The following MDGA2 variants were observed in gnomAD, a reference collection of about 807,000 sequenced individuals.
The protein encoded by MDGA2 is MAM domain-containing glycosylphosphatidylinositol anchor protein 2.
Under a neutral mutation model 117.8 loss-of-function variants are expected in MDGA2, and 40 were observed. That is an observed-to-expected ratio of 0.34 (90% CI 0.26 to 0.44). The LOEUF is 0.44. Ranked by LOEUF, MDGA2 falls within the 20% of genes least tolerant of loss-of-function variation. MDGA2 has a pLI of 1.00. For synonymous variants in MDGA2, 452 were observed against 439.0 expected (o/e 1.03, Z -0.37); for missense variants, 1,123 against 1,250.6 (o/e 0.90, Z 1.54).
At chr14:46,878,040 C>T (rs1882299513) in intron 11 of MDGA2, among the ~76,000 whole-genome samples, 1 of 151,850 alleles carries the variant, frequency 6.6e-6, no homozygotes, top group South Asian at 2.1e-4. Context: ...ACATCAATGC[C>T]TTTTTGTTTA....
At chr14:47,213,515 C>G (rs1181572156) in intron 3 of MDGA2, among the ~76,000 whole-genome samples, 1 of 151,958 alleles carries the variant, frequency 6.6e-6, no homozygotes, top group South Asian at 2.1e-4. Context: ...TTAAAAAAAA[C>G]GTCATTTTGA....
At chr14:46,877,920 T>A (rs1595014859) in intron 11 of MDGA2, among the ~76,000 whole-genome samples, 1 of 151,920 alleles carries the variant, frequency 6.6e-6, no homozygotes, top group African/African-American at 2.4e-5. Flanking sequence ...CCACTTTTGT[T>A]TTTTGCTGTT....
chr14:46,878,896 T>G (rs997742015), intron 11 of MDGA2, among the ~76,000 whole-genome samples: 4 of 152,074 alleles, frequency 2.6e-5, no homozygotes, highest in Non-Finnish European at 5.9e-5. Context: ...GAATTTTAAT[T>G]GAGACTTTGC....
intron 6 of MDGA2, among the ~76,000 whole-genome samples, chr14:47,079,091 G>A (rs1023423825): frequency 2.0e-5 from 3 of 151,288 alleles, no homozygotes; most frequent in Admixed American, 2.0e-4. Flanking sequence ...CCAAAGTGAG[G>A]AAAACTCTCT....
intron 3 of MDGA2, among the ~76,000 whole-genome samples, chr14:47,187,391 G>T (rs1465827058): frequency 6.6e-6 from 1 of 151,956 alleles, no homozygotes; most frequent in Admixed American, 6.6e-5. Flanking sequence ...AAAACAAAGT[G>T]CAAGATATAA....
intron 10 of MDGA2, among the ~76,000 whole-genome samples, chr14:46,883,753 G>A (rs1009316119): frequency 2.0e-5 from 3 of 151,930 alleles, no homozygotes; most frequent in Non-Finnish European, 2.9e-5. Flanking sequence ...GAGATAACAG[G>A]TAATCCACAG....
At chr14:47,142,556 T>C (rs890539688) in intron 4 of MDGA2, among the ~76,000 whole-genome samples, 33 of 152,356 alleles carry the variant, frequency 2.2e-4, no homozygotes, top group African/African-American at 7.7e-4. Context: ...TACAAGATTC[T>C]AGAGGAAAAC....
chr14:46,929,628 TA>T lies in MDGA2; in HGVS notation c.2090-9469del, dbSNP rs1566530301. Among the ~76,000 whole-genome samples, 298 of 32,664 alleles carry T rather than the reference TA, an allele frequency of 9.1e-3. 25 individuals are homozygous for T. The highest frequency in any genetic ancestry group is 0.013 in the Non-Finnish European group (195 of 15,298). The allele number at this position is 32,664 out of a possible 152,430, so 21.4% of individuals were successfully genotyped here. A position where few individuals can be genotyped will look rare whatever the true frequency, so the allele number is the denominator to read the frequency against. On this transcript the variant is annotated intron_variant, in intron 9 of 16. Transcript: ENST00000399232. ...ATATATATATATATATATATATATA[TA>T]TATATATATATATATATACATTTTT...
chr14:47,382,960 T>C (rs1891670309), intron 1 of MDGA2, among the ~76,000 whole-genome samples: 1 of 152,140 alleles, frequency 6.6e-6, no homozygotes, highest in East Asian at 1.9e-4. Context: ...AACCCAAATG[T>C]CCATCAATGA....
chr14:47,452,650 C>G (rs1018735216), intron 1 of MDGA2, among the ~76,000 whole-genome samples: 13 of 151,986 alleles, frequency 8.6e-5, no homozygotes, highest in Middle Eastern at 3.2e-3. Flanking sequence ...AAGATTTGTG[C>G]TCTCCTTTAA....
chr14:47,222,205 G>A (rs1047877420), intron 2 of MDGA2, among the ~76,000 whole-genome samples: 1 of 151,972 alleles, frequency 6.6e-6, no homozygotes, highest in Non-Finnish European at 1.5e-5. Context: ...ATAGAAAATT[G>A]GAAGCCAAGA....
chr14:47,151,320 G>A (rs755300979), intron 3 of MDGA2, among the ~76,000 whole-genome samples: 14 of 152,200 alleles, frequency 9.2e-5, no homozygotes, highest in Non-Finnish European at 1.8e-4. Context: ...CCCACAGTGA[G>A]GTGGCTCTTG....
intron 9 of MDGA2, among the ~76,000 whole-genome samples, chr14:46,933,393 C>A (rs1161506243): frequency 6.6e-6 from 1 of 151,684 alleles, no homozygotes; most frequent in Non-Finnish European, 1.5e-5. Context: ...ATGAATTGGG[C>A]TAGAATAAAA....
intron 4 of MDGA2, among the ~76,000 whole-genome samples, chr14:47,133,456 A>G (rs1273969234): frequency 6.6e-6 from 1 of 151,928 alleles, no homozygotes; most frequent in African/African-American, 2.4e-5. Context: ...TCTCCTCTCA[A>G]TACGACTAGT....
intron 1 of MDGA2, among the ~76,000 whole-genome samples, chr14:47,436,535 C>T (rs566799515): frequency 6.6e-6 from 1 of 152,124 alleles, no homozygotes; most frequent in African/African-American, 2.4e-5. Context: ...GTGAACACAA[C>T]ATATTTCTTT....
chr14:47,227,556 A>G lies in MDGA2; in HGVS notation c.421-9361T>C, dbSNP rs183119254. 1.7e-3 allele frequency among the ~76,000 whole-genome samples: 265 copies of G among 152,258 alleles called. 1 individual carries two copies. Among genetic ancestry groups the G allele is most frequent in the Non-Finnish European group, 2.4e-3 (165 of 68,026 alleles). Reference sequence around the variant, plus strand: ...TTCTAAAGAATCAGTCTTAAAATATAATAATTTTGCCTTAACCAATGGTAA... The same window carrying G: ...TTCTAAAGAATCAGTCTTAAAATATGATAATTTTGCCTTAACCAATGGTAA... On this transcript the variant is annotated intron_variant, in intron 2 of 16. Transcript: ENST00000399232.
intron 1 of MDGA2, among the ~76,000 whole-genome samples, chr14:47,634,582 T>A (rs1487530792): frequency 1.3e-5 from 2 of 152,140 alleles, no homozygotes; most frequent in African/African-American, 2.4e-5. Context: ...AAACTGTTTT[T>A]TCTTTTTTAG....
At chr14:47,058,913 G>T (rs1452643150) in intron 7 of MDGA2, 24 of 970,652 alleles carry the variant, frequency 2.5e-5, no homozygotes, top group Non-Finnish European at 2.9e-5. Flanking sequence ...CTTTGATGTT[G>T]CCATAGTGAG....
Position 47,493,331 on chromosome 14 carries a change from T to A in MDGA2, c.280+181186A>T, listed in dbSNP as rs1350369986. The stretch of plus-strand genomic sequence containing the variant: ...TATAATATAAAATATATATATATAT[T>A]TTGAGACAAGGCCTCACTCTGTTAC... On this transcript the variant is annotated intron_variant, in intron 1 of 16. Transcript: ENST00000399232. Among the ~76,000 whole-genome samples, 18 of 149,710 alleles carry A rather than the reference T, an allele frequency of 1.2e-4. No homozygotes were observed. The Admixed American group carries it at 1.2e-3, about 10-fold the overall frequency.
Sources: allele counts gnomAD v4.1 joint callset (sites outside exome capture counted in the v4.1 genomes callset), GRCh38; gene constraint gnomAD v4.1.1; transcripts MANE v1.5; gene names NCBI Gene and HGNC (gene_info 2026-07-23, HGNC 2026-07-21).